EML4: variants seen among roughly 807,000 people sequenced by gnomAD.
The protein encoded by EML4 is EMAP like 4, also known as echinoderm microtubule-associated protein-like 4.
A neutral mutation model predicts 129.0 loss-of-function variants in EML4; 72 were observed. The ratio of observed to expected loss-of-function variants is 0.56; its 90% confidence interval spans 0.46 to 0.68. The LOEUF (loss-of-function observed/expected upper bound fraction) is 0.68. Ranked by LOEUF, EML4 falls within the 30% of genes least tolerant of loss-of-function variation. The pLI is 0.00. For synonymous variants in EML4, 532 were observed against 405.0 expected (o/e 1.31, Z -3.77); for missense variants, 1,363 against 1,190.6 (o/e 1.14, Z -2.13).
chr2:42,279,730 T>C (rs558228009), intron 6 of EML4, among the ~76,000 whole-genome samples: 1 of 152,080 alleles, frequency 6.6e-6, no homozygotes, highest in East Asian at 1.9e-4. Flanking sequence ...CATCTCAGCC[T>C]CCCAAAGTGC....
At chr2:42,190,770 AAGC>A (rs1378394850) in intron 1 of EML4, among the ~76,000 whole-genome samples, 1 of 152,226 alleles carries the variant, frequency 6.6e-6, no homozygotes, top group African/African-American at 2.4e-5. Context: ...TGTAGCATGA[AAGC>A]AGCCATAAAC....
intron 17 of EML4, among the ~76,000 whole-genome samples, chr2:42,311,114 C>T (rs1026521551): frequency 4.6e-5 from 7 of 152,104 alleles, no homozygotes; most frequent in African/African-American, 1.4e-4. Flanking sequence ...CAGTAAATGA[C>T]TTAAGAGTTT....
chr2:42,189,152 C>T (rs967833362), intron 1 of EML4, among the ~76,000 whole-genome samples: 53 of 152,264 alleles, frequency 3.5e-4, no homozygotes, highest in African/African-American at 1.2e-3. Flanking sequence ...CAGGCATGAG[C>T]CACCATGACG....
At chr2:42,303,013 C>A in intron 14 of EML4, 91 bp from the exon 15 acceptor site, 1 of 1,323,668 alleles carries the variant, frequency 7.6e-7, no homozygotes, top group Non-Finnish European at 1.1e-6. Flanking sequence ...TCATAATTAC[C>A]TCATAATTGC....
intron 18 of EML4, 39 bp from the exon 19 acceptor site, chr2:42,317,388 G>T (rs762713137): frequency 1.6e-6 from 2 of 1,233,538 alleles, no homozygotes; most frequent in African/African-American, 1.5e-5. Context: ...AAATTTATCA[G>T]TATATTTCTC....
At position 42,330,079 on chromosome 2, in the gene EML4, G is replaced by T. The variant is rs765471925; in HGVS notation, c.2818G>T (p.Glu940Ter). Reference sequence around the variant, plus strand: ...GGAGCCAAGTGAAGACCACAGCGAGGAGGAGAGTGAAGAGGGCAGCGGAGA... The same window carrying T: ...GGAGCCAAGTGAAGACCACAGCGAGTAGGAGAGTGAAGAGGGCAGCGGAGA... ...TVEPSEDHSE[E>*]ESEEGSGDLG... Residue 940 changes from glutamate to a stop codon, truncating the protein, a stop_gained, in exon 23 of 23, where the codon GAG becomes TAG. Coordinates refer to ENST00000318522, the MANE Select transcript of EML4 (RefSeq NM_019063.5). LOFTEE classifies it high-confidence loss of function. The T allele has an allele frequency of 6.2e-7, 1 of 1,613,148 alleles. No individual in the cohort carries two copies. The highest frequency in any genetic ancestry group is 1.1e-5 in the South Asian group (1 of 91,006).
chr2:42,298,605 C>A (rs970208520), intron 13 of EML4, among the ~76,000 whole-genome samples: 1 of 152,126 alleles, frequency 6.6e-6, no homozygotes, highest in African/African-American at 2.4e-5. Context: ...CTAGGTCCAC[C>A]TCAGGAAATA....
At chr2:42,235,297 A>T (rs539973406) in intron 1 of EML4, among the ~76,000 whole-genome samples, 1 of 146,656 alleles carries the variant, frequency 6.8e-6, no homozygotes, top group Non-Finnish European at 1.5e-5. Context: ...CTCCATCTCA[A>T]AAAAAAAAAA....
Position 42,287,140 on chromosome 2 carries a change from C to T in EML4, c.1122+761C>T, listed in dbSNP as rs561768396. 3.3e-5 allele frequency among the ~76,000 whole-genome samples: 5 copies of T among 152,214 alleles called. No individual in the cohort carries two copies. The East Asian group carries it at 9.6e-4, about 29-fold the overall frequency. On this transcript the variant is annotated intron_variant, in intron 10 of 22. Transcript: ENST00000318522. ...TATCTCTTCAGTTCTTAGCCATTGGCAACTGTATTCTGGATTATGGGAGTT... is the reference window on the plus strand; with the variant it reads ...TATCTCTTCAGTTCTTAGCCATTGGTAACTGTATTCTGGATTATGGGAGTT...
chr2:42,246,758 C>T lies in EML4; in HGVS notation c.208+1071C>T, dbSNP rs72970068. Reference sequence around the variant, plus strand: ...ATGAGAAGGCAGTCCAGCATAGTTCCACTGGGAGCTCCAACATTTCAGCAT... The same window carrying T: ...ATGAGAAGGCAGTCCAGCATAGTTCTACTGGGAGCTCCAACATTTCAGCAT... On this transcript the variant is annotated intron_variant, in intron 2 of 22. Transcript: ENST00000318522. Among the ~76,000 whole-genome samples the T allele has an allele frequency of 8.6e-4, 131 of 152,258 alleles. 1 individual carries two copies. The highest frequency in any genetic ancestry group is 3.0e-3 in the African/African-American group (125 of 41,546).
intron 1 of EML4, among the ~76,000 whole-genome samples, chr2:42,181,589 C>G (rs1242342214): frequency 1.3e-5 from 2 of 152,188 alleles, no homozygotes; most frequent in African/African-American, 4.8e-5. Flanking sequence ...AGCCACCGCG[C>G]CTGGCCAGGT....
At chr2:42,278,698 C>G (rs1224592468) in intron 6 of EML4, among the ~76,000 whole-genome samples, 1 of 151,250 alleles carries the variant, frequency 6.6e-6, no homozygotes, top group East Asian at 1.9e-4. Context: ...CTTTGAGAAG[C>G]TGAGGTGGTT....
At chr2:42,201,357 T>C (rs1016968344) in intron 1 of EML4, among the ~76,000 whole-genome samples, 4 of 152,216 alleles carry the variant, frequency 2.6e-5, no homozygotes, top group African/African-American at 9.6e-5. Flanking sequence ...AGGGATGAGT[T>C]AATTAACTTG....
At chr2:42,276,777 C>T (rs1414771103) in intron 6 of EML4, among the ~76,000 whole-genome samples, 2 of 152,150 alleles carry the variant, frequency 1.3e-5, no homozygotes, top group African/African-American at 4.8e-5. Flanking sequence ...AGATTCAAGT[C>T]GTAATCTTTT....
chr2:42,204,366 G>A (rs935841518), intron 1 of EML4, among the ~76,000 whole-genome samples: 1 of 152,190 alleles, frequency 6.6e-6, no homozygotes. Context: ...CTTGTCTGCT[G>A]TGGTTTATGG....
chr2:42,207,724 T>C (rs1672646166), intron 1 of EML4, among the ~76,000 whole-genome samples: 1 of 152,188 alleles, frequency 6.6e-6, no homozygotes, highest in East Asian at 1.9e-4. Flanking sequence ...CTTCACTCAG[T>C]TCTGATTGGT....
chr2:42,264,114 T>A (rs756827810), intron 5 of EML4, among the ~76,000 whole-genome samples: 1 of 143,410 alleles, frequency 7.0e-6, no homozygotes, highest in Non-Finnish European at 1.5e-5. Context: ...TTTTTTTTTT[T>A]TTTTTTTTTT....
chr2:42,300,907 C>G (rs1359635410), intron 13 of EML4, among the ~76,000 whole-genome samples: 1 of 152,136 alleles, frequency 6.6e-6, no homozygotes, highest in Non-Finnish European at 1.5e-5. Context: ...AGCTACCATA[C>G]AAGATGATTA....
rs186778598 is a variant in EML4, at chr2:42,234,247, T to G, written c.26-11258T>G. 3.0e-3 allele frequency among the ~76,000 whole-genome samples: 462 copies of G among 152,368 alleles called. 2 individuals carry two copies. Among genetic ancestry groups the G allele is most frequent in the African/African-American group, 0.011 (447 of 41,592 alleles). On this transcript the variant is annotated intron_variant, in intron 1 of 22. Transcript: ENST00000318522. ...GCCAACATAGAAGTAGTTTGTGTGG[T>G]AGGCCATCTGGACTGAGAGGATTTC...
Sources: gnomAD v4.1 joint callset for allele counts (sites outside exome capture counted in the v4.1 genomes callset) on GRCh38, gnomAD v4.1.1 for gene constraint, MANE v1.5 for transcripts, NCBI Gene and HGNC (gene_info 2026-07-23, HGNC 2026-07-21) for gene names.